The following SLC5A10 variants were observed in gnomAD, a reference collection of about 807,000 sequenced individuals.
SLC5A10 encodes the protein solute carrier family 5 member 10.
SLC5A10 carries 55 observed loss-of-function variants against 68.9 expected under a neutral mutation model. The observed-to-expected ratio is 0.80, with a 90% confidence interval of 0.64 to 1.00. The LOEUF (loss-of-function observed/expected upper bound fraction) is 1.00, where lower values mean the gene tolerates loss of function less well. Among genes scored for constraint, SLC5A10 ranks in the 50% least tolerant of loss-of-function variants. The pLI is 0.00. For missense variants in SLC5A10, 732 were observed against 819.3 expected, an observed-to-expected ratio of 0.89 and a Z score of 1.30; for synonymous variants, 344 against 344.8, an observed-to-expected ratio of 1.00 and a Z score of 0.02.
chr17:19,007,941 T>C (rs538628551), intron 9 of SLC5A10, among the ~76,000 whole-genome samples: 3 of 152,298 alleles, frequency 2.0e-5, no homozygotes, highest in African/African-American at 7.2e-5. Context: ...TGGGTGGTCT[T>C]TGATGTGTCT....
At chr17:18,989,372 G>A (rs1295870402) in intron 9 of SLC5A10, among the ~76,000 whole-genome samples, 1 of 152,202 alleles carries the variant, frequency 6.6e-6, no homozygotes, top group Non-Finnish European at 1.5e-5. Context: ...GCCTGCTGGG[G>A]ATGTGTCTGC....
intron 10 of SLC5A10, among the ~76,000 whole-genome samples, chr17:19,013,812 G>C (rs2044073682): frequency 6.6e-6 from 1 of 151,954 alleles, no homozygotes; most frequent in African/African-American, 2.4e-5. Context: ...CTGGGCAAGG[G>C]GACTCGCTAA....
intron 1 of SLC5A10, among the ~76,000 whole-genome samples, chr17:18,957,230 C>T (rs2042521692): frequency 6.6e-6 from 1 of 152,150 alleles, no homozygotes; most frequent in Admixed American, 6.6e-5. Flanking sequence ...CATACGCGTT[C>T]AGTAACTTGC....
chr17:18,971,122 G>A lies in SLC5A10; in HGVS notation c.750G>A (p.Met250Ile), dbSNP rs201487616. 76 of 1,613,992 alleles carry A rather than the reference G, an allele frequency of 4.7e-5. No individual in the cohort carries two copies. The highest frequency in any genetic ancestry group is 6.0e-5 in the Non-Finnish European group (71 of 1,180,048). ...GCCACCTGCCACGTACAGACGCCAT[G>A]CACATGTTTCGAGACCCCCACACAG... ...TTCHLPRTDAMHMFRDPHTGD... is the reference protein window; with the variant it reads ...TTCHLPRTDAIHMFRDPHTGD... Residue 250 changes from methionine (M) to isoleucine (I), a missense_variant, in exon 8 of 15, where the codon ATG (methionine) becomes ATA (isoleucine). Physicochemically the swap from Met to Ile is conservative, Grantham distance 10 (BLOSUM62 1). Coordinates refer to ENST00000395645, the MANE Select transcript of SLC5A10 (RefSeq NM_001042450.4). This position sits in a 1 kb window ranked among gnomAD's most constrained non-coding sequence, Gnocchi z 5.5.
chr17:18,987,914 C>T (rs2043311283), intron 9 of SLC5A10, among the ~76,000 whole-genome samples: 2 of 152,228 alleles, frequency 1.3e-5, no homozygotes, highest in Non-Finnish European at 2.9e-5. Context: ...AGCACACTAT[C>T]ACCAGAGGTA....
At chr17:18,965,460 T>C (rs2428377) in intron 5 of SLC5A10, among the ~76,000 whole-genome samples, 94,559 of 152,152 alleles carry the variant, frequency 0.62, 29,637 homozygotes, top group African/African-American at 0.68. Context: ...GGAAGGTGGC[T>C]GAGAGCGGGC....
At chr17:18,986,720 G>A (rs575991470) in intron 9 of SLC5A10, among the ~76,000 whole-genome samples, 14 of 152,368 alleles carry the variant, frequency 9.2e-5, no homozygotes, top group Non-Finnish European at 1.9e-4. Context: ...AAACCGACAG[G>A]CTTGCTCCCT....
chr17:18,960,342 C>T (rs1250928904), intron 4 of SLC5A10, among the ~76,000 whole-genome samples: 1 of 152,258 alleles, frequency 6.6e-6, no homozygotes, highest in African/African-American at 2.4e-5. Context: ...CACTCCCCTG[C>T]CTGACACCCT....
intron 9 of SLC5A10, among the ~76,000 whole-genome samples, chr17:19,012,571 G>A (rs1220199648): frequency 6.6e-6 from 1 of 152,238 alleles, no homozygotes; most frequent in African/African-American, 2.4e-5. Context: ...GGGGACAGAC[G>A]GAGAATGGGG....
At chr17:19,010,993 C>T (rs1192065999) in intron 9 of SLC5A10, among the ~76,000 whole-genome samples, 1 of 152,202 alleles carries the variant, frequency 6.6e-6, no homozygotes, top group Non-Finnish European at 1.5e-5. Context: ...CCTTTCCTCC[C>T]TCCTCCCCAC....
At chr17:18,964,136 C>G (rs1311520624) in intron 5 of SLC5A10, among the ~76,000 whole-genome samples, 1 of 152,208 alleles carries the variant, frequency 6.6e-6, no homozygotes, top group Admixed American at 6.5e-5. Flanking sequence ...AGCCCCCTTC[C>G]TCTCTCTACC....
intron 8 of SLC5A10, chr17:18,975,991 T>A (rs2152006459): frequency 6.6e-6 from 1 of 151,878 alleles, no homozygotes; most frequent in Admixed American, 6.6e-5. Context: ...ATCAAGACCA[T>A]CCTGGCTAAC....
intron 9 of SLC5A10, among the ~76,000 whole-genome samples, chr17:18,990,963 A>T (rs2043406826): frequency 6.6e-6 from 1 of 152,130 alleles, no homozygotes; most frequent in African/African-American, 2.4e-5. Context: ...CACCCAGAGC[A>T]CCTTCTGCAC....
chr17:19,008,693 G>T (rs923379756), intron 9 of SLC5A10, among the ~76,000 whole-genome samples: 6 of 151,848 alleles, frequency 4.0e-5, no homozygotes, highest in African/African-American at 1.5e-4. Flanking sequence ...TAGAGACGGG[G>T]TTTCACCGTG....
At position 19,017,445 on chromosome 17, in the gene SLC5A10, CAG is replaced by C; in HGVS notation, c.1242-1972_1242-1971del. 6.6e-7 allele frequency: 1 copy of C among 1,512,274 alleles called. No homozygotes were observed. The highest frequency in any genetic ancestry group is 9.0e-7 in the Non-Finnish European group (1 of 1,111,470). The allele number at this position is 1,512,274 out of a possible 1,614,324, so 93.7% of individuals were successfully genotyped here. ...CTCTGTCAGGGAGAGGCGAGGCTTA[CAG>C]AGAGAAGACCAACAGCCCAGAGGCC... On this transcript the variant is annotated intron_variant, in intron 11 of 14. Coordinates refer to ENST00000395645, the MANE Select transcript of SLC5A10 (RefSeq NM_001042450.4). This position sits in a 1 kb window ranked among gnomAD's most constrained non-coding sequence, Gnocchi z 5.6.
intron 1 of SLC5A10, among the ~76,000 whole-genome samples, chr17:18,952,786 T>C (rs2042398588): frequency 1.3e-5 from 2 of 152,294 alleles, no homozygotes; most frequent in South Asian, 2.1e-4. Flanking sequence ...TTATGTCCTG[T>C]GGCCTAGCCC....
intron 11 of SLC5A10, 147 bp from the exon 12 acceptor site, chr17:19,019,276 T>C (rs1164884813): frequency 5.2e-6 from 5 of 960,248 alleles, no homozygotes; most frequent in East Asian, 2.6e-5. Context: ...GCCAGGTCAC[T>C]GGTGGTGTGG....
chr17:18,995,342 G>A (rs1316891985), intron 9 of SLC5A10, among the ~76,000 whole-genome samples: 4 of 152,038 alleles, frequency 2.6e-5, no homozygotes, highest in Non-Finnish European at 5.9e-5. Flanking sequence ...CATTTAAGAC[G>A]AAAAATATAC....
intron 4 of SLC5A10, among the ~76,000 whole-genome samples, chr17:18,960,194 C>A (rs2042584134): frequency 6.6e-6 from 1 of 152,230 alleles, no homozygotes; most frequent in Non-Finnish European, 1.5e-5. Flanking sequence ...TCACAGCCAC[C>A]TCCCTCATCC....
Sources: gnomAD v4.1 joint callset for allele counts (sites outside exome capture counted in the v4.1 genomes callset) on GRCh38, gnomAD v4.1.1 for gene constraint, Gnocchi (gnomAD v3.1) non-coding constraint, MANE v1.5 for transcripts, NCBI Gene and HGNC (gene_info 2026-07-23, HGNC 2026-07-21) for gene names.